The following CDH2 variants were observed in gnomAD, a reference collection of about 807,000 sequenced individuals.
CDH2 encodes the protein cadherin-2.
Under a neutral mutation model 92.0 loss-of-function variants are expected in CDH2, and 17 were observed. The observed-to-expected ratio is 0.18, with a 90% CI of 0.13 to 0.28. CDH2 has a LOEUF of 0.28. Ranked by LOEUF, CDH2 falls within the 10% of genes least tolerant of loss-of-function variation. CDH2 has a pLI of 1.00. For missense variants in CDH2, 862 were observed against 1,133.1 expected, an observed-to-expected ratio of 0.76 and a Z score of 3.44; for synonymous variants, 419 against 415.9, an observed-to-expected ratio of 1.01 and a Z score of -0.09.
Position 27,980,462 on chromosome 18 carries a change from G to C in CDH2, c.2349+2482C>G, listed in dbSNP as rs375261789. ...TGAATGGATTTCATGAACCAGTTTA[G>C]AGATAGAGGAGAAAGAGCCTTGGTG... On this transcript the variant is annotated intron_variant, in intron 14 of 15. Transcript: ENST00000269141. Among the ~76,000 whole-genome samples, 3 of 152,176 alleles carry C rather than the reference G, an allele frequency of 2.0e-5. No individual in the cohort carries two copies. In the East Asian group the frequency reaches 5.8e-4, roughly 29 times the overall value.
intron 7 of CDH2, among the ~76,000 whole-genome samples, chr18:27,994,210 A>C (rs919234222): frequency 1.3e-5 from 2 of 152,226 alleles, no homozygotes; most frequent in African/African-American, 4.8e-5. Flanking sequence ...TTCTTAAACA[A>C]AGTCAAAACT....
intron 2 of CDH2, among the ~76,000 whole-genome samples, chr18:28,094,975 T>C (rs373336369): frequency 2.1e-4 from 32 of 152,238 alleles, no homozygotes; most frequent in Middle Eastern, 6.8e-3. Flanking sequence ...TTATATGACA[T>C]GTTATAACAT....
At position 28,009,631 on chromosome 18, in the gene CDH2, T is replaced by C. The variant is rs193136837; in HGVS notation, c.702+86A>G. 2.9e-3 allele frequency: 3,497 copies of C among 1,197,096 alleles called. 9 individuals are homozygous for C. The highest frequency in any genetic ancestry group is 3.8e-3 in the Non-Finnish European group (3,285 of 857,848). 74.2% of individuals were successfully genotyped at this position (1,197,096 alleles called of 1,614,324 possible). A position where few individuals can be genotyped will look rare whatever the true frequency, so the allele number is the denominator to read the frequency against. On this transcript the variant is annotated intron_variant, in intron 5 of 15. Coordinates refer to ENST00000269141, the MANE Select transcript of CDH2 (RefSeq NM_001792.5). The stretch of plus-strand genomic sequence containing the variant: ...TCTTAAAACTCTCAGTATTGAGGCT[T>C]TCAGACTGATATAAGAGGCAATGGT...
At chr18:28,035,543 T>C (rs1042563419) in intron 2 of CDH2, among the ~76,000 whole-genome samples, 2 of 152,090 alleles carry the variant, frequency 1.3e-5, no homozygotes, top group African/African-American at 4.8e-5. Flanking sequence ...CTCATATTCA[T>C]CTTGTTTAAC....
At chr18:27,943,388 C>A (rs1447409736) in intron 6 of CDH2, among the ~76,000 whole-genome samples, 2 of 152,116 alleles carry the variant, frequency 1.3e-5, no homozygotes, top group African/African-American at 2.4e-5. Flanking sequence ...CTCAAGAAAT[C>A]AGGAAAAATA....
intron 2 of CDH2, among the ~76,000 whole-genome samples, chr18:28,145,096 G>A (rs772300591): frequency 1.3e-5 from 2 of 151,974 alleles, no homozygotes; most frequent in Non-Finnish European, 1.5e-5. Flanking sequence ...AATCATCAGC[G>A]TTCATGGTAC....
intron 6 of CDH2, among the ~76,000 whole-genome samples, chr18:27,945,322 G>GTTTTTT (rs1909243196): frequency 1.6e-5 from 1 of 62,826 alleles, no homozygotes; most frequent in African/African-American, 6.7e-5. Flanking sequence ...CAGGAAGGAA[G>GTTTTTT]ATTTTTTTTT....
At position 27,952,482 on chromosome 18, in the gene CDH2, T is replaced by C. The variant is rs1046872262; in HGVS notation, c.2515-123A>G. The C allele has an allele frequency of 1.9e-5, 14 of 728,828 alleles. No individual in the cohort carries two copies. The Admixed American group carries it at 2.4e-4, about 12-fold the overall frequency. The allele number at this position is 728,828 out of a possible 1,614,324, so 45.1% of individuals were successfully genotyped here. On this transcript the variant is annotated intron_variant, in intron 15 of 15. Transcript: ENST00000269141. ...ACTTGTTTGTAAATTTCCATTTACATACCATATTTTCAACACATGGAAAAG... is the reference window on the plus strand; with the variant it reads ...ACTTGTTTGTAAATTTCCATTTACACACCATATTTTCAACACATGGAAAAG...
At chr18:28,044,109 C>T (rs1238018549) in intron 2 of CDH2, among the ~76,000 whole-genome samples, 3 of 151,848 alleles carry the variant, frequency 2.0e-5, no homozygotes, top group Non-Finnish European at 4.4e-5. Context: ...GATAGGTTTT[C>T]ACCATGTTGG....
At chr18:28,170,557 G>A (rs542192731) in intron 1 of CDH2, among the ~76,000 whole-genome samples, 52 of 152,222 alleles carry the variant, frequency 3.4e-4, no homozygotes, top group African/African-American at 1.2e-3. Flanking sequence ...GTGTTAGGCA[G>A]GATGGTCTTG....
chr18:28,079,113 T>C (rs1411762336), intron 2 of CDH2, among the ~76,000 whole-genome samples: 1 of 152,182 alleles, frequency 6.6e-6, no homozygotes, highest in East Asian at 1.9e-4. Context: ...TCGTCTAACA[T>C]TTAGCCATCT....
At chr18:28,039,477 C>T (rs892006435) in intron 2 of CDH2, among the ~76,000 whole-genome samples, 6 of 152,130 alleles carry the variant, frequency 3.9e-5, no homozygotes, top group Non-Finnish European at 5.9e-5. Flanking sequence ...ACTCACATTT[C>T]CATTTTATAA....
intron 14 of CDH2, among the ~76,000 whole-genome samples, chr18:27,972,759 ACTGAAATAAAAAATAAGTATGACAAGTC>A (rs1255395895): frequency 6.6e-6 from 1 of 152,172 alleles, no homozygotes; most frequent in East Asian, 1.9e-4. Context: ...TGTCCTAGAT[ACTGAAATAAAAAATAAGTATGACAAGTC>A]CTTGCCTTAC....
intron 2 of CDH2, among the ~76,000 whole-genome samples, chr18:28,037,133 G>A (rs1342452921): frequency 6.6e-6 from 1 of 152,132 alleles, no homozygotes; most frequent in African/African-American, 2.4e-5. Flanking sequence ...AATTGGGTAT[G>A]AATCCAAGAT....
chr18:28,125,905 A>G (rs190775794), intron 2 of CDH2, among the ~76,000 whole-genome samples: 1 of 152,176 alleles, frequency 6.6e-6, no homozygotes, highest in Non-Finnish European at 1.5e-5. Flanking sequence ...TGGTTTCATC[A>G]TTTTCCTTAA....
At chr18:28,150,407 A>T (rs2016103127) in intron 1 of CDH2, among the ~76,000 whole-genome samples, 1 of 152,220 alleles carries the variant, frequency 6.6e-6, no homozygotes, top group African/African-American at 2.4e-5. Flanking sequence ...CTTGTTTCCC[A>T]GTGGATCTGC....
At chr18:27,978,683 C>G (rs944587200) in intron 14 of CDH2, among the ~76,000 whole-genome samples, 2 of 151,808 alleles carry the variant, frequency 1.3e-5, no homozygotes, top group Admixed American at 1.3e-4. Context: ...GAGTCAGGGT[C>G]TCTGTGGCCC....
intron 2 of CDH2, among the ~76,000 whole-genome samples, chr18:28,049,335 G>A (rs500643): frequency 6.6e-6 from 1 of 151,952 alleles, no homozygotes; most frequent in Non-Finnish European, 1.5e-5. Flanking sequence ...CGATGGTTGC[G>A]ATATGGCTAT....
Position 28,126,367 on chromosome 18 carries a change from T to C in CDH2, c.172+21306A>G, listed in dbSNP as rs17446720. On this transcript the variant is annotated intron_variant, in intron 2 of 15. Coordinates refer to ENST00000269141, the MANE Select transcript of CDH2 (RefSeq NM_001792.5). ...ATAACATAACCTAGCTTAAGAAAGA[T>C]GGCATATGGCCTTTGAAAAAATACA... is the stretch of plus-strand genomic sequence containing the variant. Among the ~76,000 whole-genome samples the C allele has an allele frequency of 4.0e-3, 612 of 152,292 alleles. 1 individual carries two copies. The highest frequency in any genetic ancestry group is 7.9e-3 in the Non-Finnish European group (536 of 68,020).
Sources: allele counts gnomAD v4.1 joint callset (sites outside exome capture counted in the v4.1 genomes callset), GRCh38; gene constraint gnomAD v4.1.1; transcripts MANE v1.5; gene names NCBI Gene and HGNC (gene_info 2026-07-23, HGNC 2026-07-21).